MATN2: variants seen among roughly 807,000 people sequenced by gnomAD.
MATN2 encodes the protein matrilin 2.
In MATN2, 69 loss-of-function variants were observed where a neutral mutation model predicts 103.2. That is an observed-to-expected ratio of 0.67 (90% confidence interval 0.55 to 0.82). The LOEUF (loss-of-function observed/expected upper bound fraction) is 0.82. Among genes scored for constraint, MATN2 ranks in the 40% least tolerant of loss-of-function variants. MATN2 has a pLI of 0.00. For missense variants in MATN2, 1,023 were observed against 1,211.5 expected (o/e 0.84, Z 2.31); for synonymous variants, 429 against 450.2 (o/e 0.95, Z 0.60).
chr8:97,942,017 T>A, intron 4 of MATN2, 118 bp downstream of exon 4: 1 of 1,287,480 alleles, frequency 7.8e-7, no homozygotes, highest in East Asian at 2.6e-5. Flanking sequence ...TTATCATCCC[T>A]TGGGGACAGA....
At chr8:97,898,487 C>T (rs1471111127) in intron 2 of MATN2, among the ~76,000 whole-genome samples, 1 of 151,716 alleles carries the variant, frequency 6.6e-6, no homozygotes, top group Non-Finnish European at 1.5e-5. Flanking sequence ...ATCCCAGCTA[C>T]TCGGGAGGCC....
At chr8:97,877,167 C>T (rs1271909876) in intron 1 of MATN2, among the ~76,000 whole-genome samples, 1 of 151,438 alleles carries the variant, frequency 6.6e-6, no homozygotes, top group Non-Finnish European at 1.5e-5. Flanking sequence ...CCACCATGCT[C>T]AGCTAATTTA....
rs1233518308 is a variant in MATN2, at chr8:97,982,767, G to C, written c.1081+3759G>C. ...GACGGGAGAAAGGTGGAAACACACA[G>C]GTACCATCAGTTTGCAAAAAGTTAG... On this transcript the variant is annotated intron_variant, in intron 6 of 18. Transcript: ENST00000254898. This position sits in a 1 kb window ranked among gnomAD's most constrained non-coding sequence, Gnocchi z 4.3. Among the ~76,000 whole-genome samples the C allele has an allele frequency of 1.3e-5, 2 of 152,174 alleles. No individual in the cohort carries two copies. The highest frequency in any genetic ancestry group is 4.8e-5 in the African/African-American group (2 of 41,424).
chr8:97,880,107 C>A (rs1358327473), intron 1 of MATN2, among the ~76,000 whole-genome samples: 1 of 135,626 alleles, frequency 7.4e-6, no homozygotes, highest in African/African-American at 2.8e-5. Context: ...TTTTTGAGAC[C>A]AAGTCTTGCA....
chr8:97,942,471 C>T (rs973789497), intron 4 of MATN2, among the ~76,000 whole-genome samples: 2 of 152,168 alleles, frequency 1.3e-5, no homozygotes, highest in African/African-American at 4.8e-5. Flanking sequence ...AAAGACTAGA[C>T]AGTATACTGA....
intron 2 of MATN2, among the ~76,000 whole-genome samples, chr8:97,890,703 A>G (rs1818599656): frequency 6.6e-6 from 1 of 152,038 alleles, no homozygotes; most frequent in Admixed American, 6.6e-5. Context: ...TGGCTCTTGG[A>G]CTATTTGTTC....
chr8:97,913,551 G>A (rs1431070484), intron 2 of MATN2, among the ~76,000 whole-genome samples: 1 of 148,016 alleles, frequency 6.8e-6, no homozygotes, highest in African/African-American at 2.5e-5. Flanking sequence ...CTGACCTCAG[G>A]TGATCTGCCT....
chr8:97,974,699 C>G (rs1449348776), intron 5 of MATN2, among the ~76,000 whole-genome samples: 1 of 152,176 alleles, frequency 6.6e-6, no homozygotes, highest in Non-Finnish European at 1.5e-5. Context: ...CCTGCCTTGG[C>G]CTCCCAAAGT....
At chr8:97,907,498 AT>A (rs1213050271) in intron 2 of MATN2, among the ~76,000 whole-genome samples, 2 of 107,198 alleles carry the variant, frequency 1.9e-5, no homozygotes, top group Non-Finnish European at 3.9e-5. Flanking sequence ...TTTTTTTTGT[AT>A]TTTTAGTAGA....
At chr8:97,933,825 G>A (rs866392533) in intron 3 of MATN2, among the ~76,000 whole-genome samples, 7 of 152,246 alleles carry the variant, frequency 4.6e-5, no homozygotes, top group Middle Eastern at 3.4e-3. Flanking sequence ...CTCAGCAGCC[G>A]TCTTGAAAGG....
chr8:97,883,241 C>T lies in MATN2; in HGVS notation c.-26-4834C>T, dbSNP rs982233439. Among the ~76,000 whole-genome samples, 4 of 145,852 alleles carry T rather than the reference C, an allele frequency of 2.7e-5. No individual in the cohort carries two copies. In the East Asian group the frequency reaches 6.2e-4, roughly 22 times the overall value. ...CGGAGGTTGCAGTGAGCCAAGATTG[C>T]GCGATTGCACTCCAGCCCGGGTGAC... is the stretch of plus-strand genomic sequence containing the variant. On this transcript the variant is annotated intron_variant, in intron 1 of 18. Coordinates refer to ENST00000254898, the MANE Select transcript of MATN2 (RefSeq NM_002380.5).
intron 4 of MATN2, among the ~76,000 whole-genome samples, chr8:97,951,330 C>A (rs748447737): frequency 2.0e-5 from 3 of 152,090 alleles, no homozygotes; most frequent in Non-Finnish European, 2.9e-5. Flanking sequence ...TGGAGAAATG[C>A]CAATTATGAA....
At chr8:97,991,350 C>T (rs1041534988) in intron 6 of MATN2, among the ~76,000 whole-genome samples, 2 of 152,156 alleles carry the variant, frequency 1.3e-5, no homozygotes, top group African/African-American at 4.8e-5. Context: ...AACTCCTGGG[C>T]TCATGAGATC....
At chr8:98,012,604 G>A (rs529982945) in intron 10 of MATN2, among the ~76,000 whole-genome samples, 8 of 152,238 alleles carry the variant, frequency 5.3e-5, no homozygotes, top group African/African-American at 1.2e-4. Flanking sequence ...GCCTGGGGAC[G>A]CCGGCGGGAC....
chr8:97,915,994 G>T (rs1273497393), intron 2 of MATN2, among the ~76,000 whole-genome samples: 2 of 152,000 alleles, frequency 1.3e-5, no homozygotes, highest in African/African-American at 4.8e-5. Context: ...TATGTATTCA[G>T]TCAGCTCATT....
At chr8:97,983,756 GCA>G (rs1195673064) in intron 6 of MATN2, among the ~76,000 whole-genome samples, 1 of 152,130 alleles carries the variant, frequency 6.6e-6, no homozygotes. Context: ...AGAATGCTTT[GCA>G]CAGAGTAAGG....
At chr8:98,017,288 G>A (rs1384045617) in intron 11 of MATN2, among the ~76,000 whole-genome samples, 1 of 152,172 alleles carries the variant, frequency 6.6e-6, no homozygotes, top group African/African-American at 2.4e-5. Flanking sequence ...CCTCCCAAAG[G>A]GCACCTTGTG....
At position 97,974,426 on chromosome 8, in the gene MATN2, T is replaced by TTTTTG. The variant is rs574949632; in HGVS notation, c.959-4445_959-4441dup. 5.4e-5 allele frequency among the ~76,000 whole-genome samples: 8 copies of TTTTTG among 147,120 alleles called. No individual in the cohort carries two copies. In the South Asian group the frequency reaches 1.7e-3, roughly 32 times the overall value. On this transcript the variant is annotated intron_variant, in intron 5 of 18. Coordinates refer to ENST00000254898, the MANE Select transcript of MATN2 (RefSeq NM_002380.5). ...AGCGCTGGGATTACAGATGTGAGCC[T>TTTTTG]TTTTGTTTTGTTTTGTTTTTTTGTT...
rs895038680 is a variant in MATN2 at position 98,005,013 on chromosome 8, C to T, written c.1327+1230C>T. On this transcript the variant is annotated intron_variant, in intron 8 of 18. Coordinates refer to ENST00000254898, the MANE Select transcript of MATN2 (RefSeq NM_002380.5). This position sits in a 1 kb window ranked among gnomAD's most constrained non-coding sequence, Gnocchi z 4.6. Reference sequence around the variant, plus strand: ...AAGGGGCCCTTTATGTGCCTTTCCACTCAGCAAGCCCCACATCTGCTCCCT... The same window carrying T: ...AAGGGGCCCTTTATGTGCCTTTCCATTCAGCAAGCCCCACATCTGCTCCCT... 6.6e-5 allele frequency among the ~76,000 whole-genome samples: 10 copies of T among 152,230 alleles called. No individual in the cohort carries two copies. The highest frequency in any genetic ancestry group is 2.0e-4 in the Admixed American group (3 of 15,290).
Sources: allele counts gnomAD v4.1 joint callset (sites outside exome capture counted in the v4.1 genomes callset), GRCh38; gene constraint gnomAD v4.1.1; non-coding constraint Gnocchi (gnomAD v3.1); transcripts MANE v1.5; gene names NCBI Gene and HGNC (gene_info 2026-07-23, HGNC 2026-07-21).